Variants in PLXNA4 observed in about 807,000 individuals in gnomAD.
The protein encoded by PLXNA4 is plexin A4, also known as plexin-A4.
In PLXNA4, 44 loss-of-function variants were observed where a neutral mutation model predicts 191.8. The ratio of observed to expected loss-of-function variants is 0.23; its 90% CI spans 0.18 to 0.29. PLXNA4 has a LOEUF of 0.29. PLXNA4 is among the 10% of genes least tolerant of loss of function. The pLI is 1.00. For synonymous variants in PLXNA4, 1,082 were observed against 1,009.5 expected (o/e 1.07, Z -1.36); for missense variants, 1,800 against 2,488.8 (o/e 0.72, Z 5.89).
chr7:132,284,822 C>T (rs989178012), intron 4 of PLXNA4, among the ~76,000 whole-genome samples: 4 of 152,162 alleles, frequency 2.6e-5, no homozygotes, highest in African/African-American at 4.8e-5. Flanking sequence ...TCAAGCAATT[C>T]TCCTGCCTCA....
At chr7:132,261,645 G>C (rs1799649571) in intron 4 of PLXNA4, among the ~76,000 whole-genome samples, 1 of 152,250 alleles carries the variant, frequency 6.6e-6, no homozygotes, top group South Asian at 2.1e-4. Context: ...GGCACTGAAT[G>C]ATGGGAGTGG....
At chr7:132,205,936 T>C (rs888092613) in intron 10 of PLXNA4, among the ~76,000 whole-genome samples, 1 of 152,238 alleles carries the variant, frequency 6.6e-6, no homozygotes, top group Admixed American at 6.5e-5. Flanking sequence ...CAAAGAATCC[T>C]ACATACATAT....
rs762669659 is a variant in PLXNA4 at position 132,164,226 on chromosome 7, G to A, written c.4416C>T (p.Gly1472=). The change falls in exon 24 of 32, where the codon GGC becomes GGT. Residue 1472 remains glycine, a synonymous_variant. Coordinates refer to ENST00000321063, the MANE Select transcript of PLXNA4 (RefSeq NM_020911.2). ...FCAIKQQMEK[G]PIDAITGEAR... ...CCTCGCCCGTGATGGCGTCAATGGG[G>A]CCCTTCTCCATCTGCTGCTTGATGG... is the stretch of plus-strand genomic sequence containing the variant. 1 of 1,614,218 alleles carries A rather than the reference G, an allele frequency of 6.2e-7. No individual in the cohort carries two copies. Among genetic ancestry groups the A allele is most frequent in the South Asian group, 1.1e-5 (1 of 91,080 alleles).
At chr7:132,360,758 T>A (rs1376982461) in intron 3 of PLXNA4, among the ~76,000 whole-genome samples, 3 of 152,188 alleles carry the variant, frequency 2.0e-5, no homozygotes, top group African/African-American at 7.2e-5. Flanking sequence ...AGAGAGACAG[T>A]GGGTGCTGCC....
At chr7:132,591,048 C>T (rs1177968005) in intron 2 of PLXNA4, among the ~76,000 whole-genome samples, 1 of 152,078 alleles carries the variant, frequency 6.6e-6, no homozygotes, top group East Asian at 1.9e-4. Context: ...AGAATTGGGT[C>T]ATGTGGACAC....
At position 132,594,447 on chromosome 7, in the gene PLXNA4, G is replaced by T. The variant is rs138429196; in HGVS notation, c.-87+51481C>A. ...ACAGTAGATTTCTGCTAAGCCACTC[G>T]GTTTGTGATACTTCATTATGGCAAT... is the stretch of plus-strand genomic sequence containing the variant. On this transcript the variant is annotated intron_variant, in intron 2 of 4. Coordinates refer to the PLXNA4 transcript ENST00000378539. Among the ~76,000 whole-genome samples, 174 of 152,286 alleles carry T rather than the reference G, an allele frequency of 1.1e-3. 2 individuals carry two copies. Among genetic ancestry groups the T allele is most frequent in the Non-Finnish European group, 4.1e-4 (28 of 68,026 alleles).
At chr7:132,643,677 G>A (rs1307468867) in intron 2 of PLXNA4, among the ~76,000 whole-genome samples, 3 of 152,300 alleles carry the variant, frequency 2.0e-5, no homozygotes, top group East Asian at 3.9e-4. Flanking sequence ...AGGGCCTGGC[G>A]AGGTGGATCA....
chr7:132,269,126 C>T (rs181521068), intron 4 of PLXNA4, among the ~76,000 whole-genome samples: 1 of 152,260 alleles, frequency 6.6e-6, no homozygotes, highest in Admixed American at 6.5e-5. Context: ...TTGCAGCTGC[C>T]CCAGTACTTG....
intron 1 of PLXNA4, among the ~76,000 whole-genome samples, chr7:132,573,095 G>A (rs193096859): frequency 6.6e-6 from 1 of 151,168 alleles, no homozygotes; most frequent in Admixed American, 6.6e-5. Flanking sequence ...GCAGAGAAGT[G>A]GGGGTTGGAG....
At chr7:132,621,324 A>G (rs1318959490) in intron 2 of PLXNA4, among the ~76,000 whole-genome samples, 1 of 146,750 alleles carries the variant, frequency 6.8e-6, no homozygotes, top group African/African-American at 2.5e-5. Flanking sequence ...GCAATGGCAC[A>G]ATCTTGGCTC....
chr7:132,479,780 G>T lies in PLXNA4; in HGVS notation c.1371+9512C>A, dbSNP rs754380040. On this transcript the variant is annotated intron_variant, in intron 3 of 31. Coordinates refer to ENST00000321063, the MANE Select transcript of PLXNA4 (RefSeq NM_020911.2). ...TTCTCCTGCCTCAGCCTCTGGAGTA[G>T]CTGGGACTACAGGCATGTACCATCA... Among the ~76,000 whole-genome samples the T allele has an allele frequency of 5.5e-4, 84 of 152,262 alleles. 1 individual carries two copies. Among genetic ancestry groups the T allele is most frequent in the Non-Finnish European group, 1.0e-3 (71 of 68,028 alleles).
intron 20 of PLXNA4, among the ~76,000 whole-genome samples, chr7:132,178,861 C>CGT: frequency 1.4e-5 from 2 of 144,246 alleles, no homozygotes; most frequent in Admixed American, 6.9e-5. Context: ...CACACACACA[C>CGT]ACACACACAC....
chr7:132,288,957 A>G (rs541973534), intron 4 of PLXNA4, among the ~76,000 whole-genome samples: 1 of 152,278 alleles, frequency 6.6e-6, no homozygotes, highest in South Asian at 2.1e-4. Context: ...AGAAATGGTA[A>G]TGACTCCTTC....
At chr7:132,482,982 C>T (rs1477117448) in intron 3 of PLXNA4, among the ~76,000 whole-genome samples, 4 of 152,076 alleles carry the variant, frequency 2.6e-5, no homozygotes, top group African/African-American at 4.8e-5. Context: ...TGAGCCACCG[C>T]GCCCGGCCGA....
rs1796904586 is a variant in PLXNA4, at chr7:132,470,749, C to T, written c.1371+18543G>A. Reference sequence around the variant, plus strand: ...GAAAGGCCAAAAACATGTATCACTGCTGGCTTTGAAGACGGAGGAAGAGAA... The same window carrying T: ...GAAAGGCCAAAAACATGTATCACTGTTGGCTTTGAAGACGGAGGAAGAGAA... On this transcript the variant is annotated intron_variant, in intron 3 of 31. Coordinates refer to ENST00000321063, the MANE Select transcript of PLXNA4 (RefSeq NM_020911.2). 2.0e-5 allele frequency among the ~76,000 whole-genome samples: 3 copies of T among 152,310 alleles called. No individual in the cohort carries two copies. In the South Asian group the frequency reaches 6.2e-4, roughly 32 times the overall value.
chr7:132,268,569 T>C (rs1163164018), intron 4 of PLXNA4, among the ~76,000 whole-genome samples: 2 of 152,110 alleles, frequency 1.3e-5, no homozygotes, highest in Non-Finnish European at 2.9e-5. Flanking sequence ...GGGTCATGGG[T>C]CTTATTTACA....
Position 132,562,440 on chromosome 7 carries a change from C to T in PLXNA4, c.-87+13982G>A, listed in dbSNP as rs1170035245. Among the ~76,000 whole-genome samples the T allele has an allele frequency of 4.1e-4, 41 of 100,900 alleles. 2 individuals are homozygous for T. Among genetic ancestry groups the T allele is most frequent in the South Asian group, 1.6e-3 (3 of 1,860 alleles). The allele number at this position is 100,900 out of a possible 152,430, so 66.2% of individuals were successfully genotyped here. A position where few individuals can be genotyped will look rare whatever the true frequency, so the allele number is the denominator to read the frequency against. ...TCCTTCTCCTACTCCTTTTCCTCTT[C>T]ATCCTCCTCCTCCTTCTCCTCCTCC... On this transcript the variant is annotated intron_variant, in intron 1 of 31. Transcript: ENST00000321063.
chr7:132,173,221 C>T (rs777866899), intron 21 of PLXNA4, among the ~76,000 whole-genome samples: 3 of 151,884 alleles, frequency 2.0e-5, no homozygotes, highest in East Asian at 1.9e-4. Flanking sequence ...TTGAAGCAAA[C>T]GAAGGTGAGG....
At chr7:132,628,342 C>CTCTCTCTCGCTCTCTCTCTCTCTCTGTT (rs1257594721) in intron 2 of PLXNA4, among the ~76,000 whole-genome samples, 4 of 151,984 alleles carry the variant, frequency 2.6e-5, no homozygotes, top group African/African-American at 9.7e-5. Context: ...CTTGCTCTGT[C>CTCTCTCTCGCTCTCTCTCTCTCTCTGTT]TCTCTCTCGC....
Sources: gnomAD v4.1 joint callset for allele counts (sites outside exome capture counted in the v4.1 genomes callset) on GRCh38, gnomAD v4.1.1 for gene constraint, MANE v1.5 for transcripts, NCBI Gene and HGNC (gene_info 2026-07-23, HGNC 2026-07-21) for gene names.